Variants in MPRIP observed in about 807,000 individuals in gnomAD.
MPRIP encodes the protein myosin phosphatase Rho interacting protein, also known as myosin phosphatase Rho-interacting protein.
MPRIP carries 59 observed loss-of-function variants against 234.9 expected under a neutral mutation model. The observed-to-expected ratio is 0.25, with a 90% CI of 0.20 to 0.31. The LOEUF (loss-of-function observed/expected upper bound fraction) is 0.31. MPRIP is among the 10% of genes least tolerant of loss of function. MPRIP has a pLI of 1.00. For missense variants in MPRIP, 2,436 were observed against 3,071.0 expected (o/e 0.79, Z 4.89); for synonymous variants, 1,144 against 1,263.9 (o/e 0.91, Z 2.01).
At chr17:17,057,811 A>G in intron 1 of MPRIP, 1 of 680,400 alleles carries the variant, frequency 1.5e-6, no homozygotes, top group African/African-American at 1.8e-5. Context: ...AGGGATCTTC[A>G]CAGTTTGAAG....
At chr17:17,157,657 C>T (rs894226561) in intron 13 of MPRIP, among the ~76,000 whole-genome samples, 1 of 152,066 alleles carries the variant, frequency 6.6e-6, no homozygotes, top group Admixed American at 6.5e-5. Context: ...GGAGAAACCC[C>T]GTTTCTACTA....
At chr17:17,058,767 G>A (rs530813894) in intron 1 of MPRIP, among the ~76,000 whole-genome samples, 6 of 152,190 alleles carry the variant, frequency 3.9e-5, no homozygotes, top group South Asian at 4.1e-4. Flanking sequence ...GTTAGATGTC[G>A]CCTTTTAAGG....
At chr17:17,045,057 G>A (rs928531187) in intron 1 of MPRIP, among the ~76,000 whole-genome samples, 1 of 152,110 alleles carries the variant, frequency 6.6e-6, no homozygotes, top group African/African-American at 2.4e-5. Context: ...TCATCCTTAT[G>A]GCTCCATTAG....
intron 4 of MPRIP, among the ~76,000 whole-genome samples, chr17:17,128,701 C>CGG (rs2090540336): frequency 6.6e-6 from 1 of 152,202 alleles, no homozygotes; most frequent in South Asian, 2.1e-4. Flanking sequence ...GGCAGGTTCT[C>CGG]ACGTGGCATA....
At chr17:17,174,708 G>C (rs1011378163) in intron 19 of MPRIP, among the ~76,000 whole-genome samples, 1 of 151,644 alleles carries the variant, frequency 6.6e-6, no homozygotes, top group African/African-American at 2.4e-5. Flanking sequence ...GGTGGTGGGC[G>C]CCTATAGTCC....
intron 20 of MPRIP, 47 bp from the exon 21 acceptor site, chr17:17,176,379 G>A (rs969933934): frequency 2.8e-6 from 4 of 1,449,858 alleles, no homozygotes; most frequent in Non-Finnish European, 3.9e-6. Flanking sequence ...GACTCTGGAG[G>A]TTTCTTTGCT....
rs1387938274 is a variant in MPRIP, at chr17:17,158,916, G to A, written c.2314G>A (p.Val772Met). ...ETTPLREEKQ[V>M]PIAPVHLSSE... ...CACACCTCTCCGGGAAGAGAAGCAGGTGCCCATCGCCCCCGTCCACCTGTC... is the reference window on the plus strand; with the variant it reads ...CACACCTCTCCGGGAAGAGAAGCAGATGCCCATCGCCCCCGTCCACCTGTC... The change falls in exon 14 of 24, where the codon GTG (valine) becomes ATG (methionine). Residue 772 changes from valine to methionine, a missense_variant. Val to Met is a conservative substitution (Grantham distance 21). This residue lies in a region of MPRIP where 1,998 missense variants were observed against 2,520.3 expected (regional missense o/e 0.79). Transcript: ENST00000651222. 1.2e-6 allele frequency: 2 copies of A among 1,612,660 alleles called. No homozygotes were observed. The highest frequency in any genetic ancestry group is 8.5e-7 in the Non-Finnish European group (1 of 1,179,988).
chr17:17,065,791 A>C (rs2089006367), intron 1 of MPRIP, among the ~76,000 whole-genome samples: 1 of 152,198 alleles, frequency 6.6e-6, no homozygotes, highest in South Asian at 2.1e-4. Context: ...GTCCACGAAC[A>C]CATTATGTCT....
At chr17:17,175,458 GA>G in intron 20 of MPRIP, 46 bp downstream of exon 20, 1 of 1,539,212 alleles carries the variant, frequency 6.5e-7, no homozygotes, top group Non-Finnish European at 8.8e-7. Flanking sequence ...CTGCACCCAG[GA>G]ACCCCAGGGG....
intron 11 of MPRIP, among the ~76,000 whole-genome samples, chr17:17,149,599 T>C (rs2045552752): frequency 6.6e-6 from 1 of 151,800 alleles, no homozygotes; most frequent in Admixed American, 6.6e-5. Context: ...TTCAAAGCAA[T>C]GTGACTCTTA....
Position 17,166,321 on chromosome 17 carries a change from G to T in MPRIP, c.4730G>T (p.Ser1577Ile). The change falls in exon 16 of 24, where the codon AGC becomes ATC. Residue 1577 changes from serine to isoleucine, a missense_variant. By Grantham distance (142) the Ser-to-Ile change is moderately radical. This residue lies in a region of MPRIP where 1,998 missense variants were observed against 2,520.3 expected (regional missense o/e 0.79). Coordinates refer to ENST00000651222, the MANE Select transcript of MPRIP (RefSeq NM_001364716.4). This position sits in a 1 kb window ranked among gnomAD's most constrained non-coding sequence, Gnocchi z 4.4. ...ATTGCTCTGGAGGCCTCGCTGATCA[G>T]CCAGATAGCAGATTCCCTGAAGAAC... ...DQIALEASLI[S>I]QIADSLKNTT... The T allele has an allele frequency of 7.7e-7, 1 of 1,304,542 alleles. No homozygotes were observed. 80.8% of individuals were successfully genotyped at this position (1,304,542 alleles called of 1,614,324 possible).
At chr17:17,177,648 C>T (rs1387234390) in intron 22 of MPRIP, among the ~76,000 whole-genome samples, 1 of 152,180 alleles carries the variant, frequency 6.6e-6, no homozygotes, top group Non-Finnish European at 1.5e-5. Context: ...ATAGTATCAG[C>T]ATAATATTTT....
Position 17,078,210 on chromosome 17 carries a change from T to C in MPRIP, c.267+134T>C, listed in dbSNP as rs978056426. On this transcript the variant is annotated intron_variant, in intron 3 of 23. Transcript: ENST00000651222. This position sits in a 1 kb window ranked among gnomAD's most constrained non-coding sequence, Gnocchi z 4.3. ...TGTCTGTTTGGGAGTGTGGAATGTT[T>C]TGAAGAACTTGTGGCACCTGCTGGA... 2 of 935,466 alleles carry C rather than the reference T, an allele frequency of 2.1e-6. No homozygotes were observed. The highest frequency in any genetic ancestry group is 3.3e-5 in the African/African-American group (2 of 60,850). The allele number at this position is 935,466 out of a possible 1,614,324, so 57.9% of individuals were successfully genotyped here. A position where few individuals can be genotyped will look rare whatever the true frequency, so the allele number is the denominator to read the frequency against.
intron 3 of MPRIP, among the ~76,000 whole-genome samples, chr17:17,114,272 T>TG (rs2090236170): frequency 6.6e-6 from 1 of 152,180 alleles, no homozygotes; most frequent in Non-Finnish European, 1.5e-5. Flanking sequence ...TTTTAATTGT[T>TG]TTTTGTTGTT....
chr17:17,081,833 G>A (rs1052229452), intron 3 of MPRIP, among the ~76,000 whole-genome samples: 4 of 152,244 alleles, frequency 2.6e-5, no homozygotes, highest in Non-Finnish European at 4.4e-5. Context: ...ATACACCCAC[G>A]TACCCTGTAA....
At chr17:17,060,457 A>G (rs1304764722) in intron 1 of MPRIP, among the ~76,000 whole-genome samples, 1 of 152,140 alleles carries the variant, frequency 6.6e-6, no homozygotes, top group Non-Finnish European at 1.5e-5. Context: ...GTGTGGAACC[A>G]GGTGGCCTTG....
intron 3 of MPRIP, among the ~76,000 whole-genome samples, chr17:17,120,472 G>C (rs551813711): frequency 6.6e-6 from 1 of 152,098 alleles, no homozygotes; most frequent in Admixed American, 6.5e-5. Context: ...ACAGAGGACC[G>C]GCAGGAGGAG....
At chr17:17,051,150 C>G (rs1411441529) in intron 1 of MPRIP, among the ~76,000 whole-genome samples, 1 of 152,214 alleles carries the variant, frequency 6.6e-6, no homozygotes, top group Non-Finnish European at 1.5e-5. Flanking sequence ...AGGGATGTTC[C>G]AGGAAGCACG....
In MPRIP at chr17:17,171,920, T is replaced by C. The variant is rs573808286; in HGVS notation, c.6472+55T>C. 3.3e-5 allele frequency: 52 copies of C among 1,558,624 alleles called. No homozygotes were observed. In the East Asian group the frequency reaches 1.0e-3, roughly 31 times the overall value. ...GGTGGGTGGCCAGCTTTTTTTGAGCTAGACACACAACTCAGAGGAATGGCA... is the reference window on the plus strand; with the variant it reads ...GGTGGGTGGCCAGCTTTTTTTGAGCCAGACACACAACTCAGAGGAATGGCA... On this transcript the variant is annotated intron_variant, in intron 17 of 23. Transcript: ENST00000651222.
Sources: gnomAD v4.1 joint callset for allele counts (sites outside exome capture counted in the v4.1 genomes callset) on GRCh38, gnomAD v4.1.1 for gene constraint, gnomAD v4.1.1 regional missense constraint, Gnocchi (gnomAD v3.1) non-coding constraint, MANE v1.5 for transcripts, NCBI Gene and HGNC (gene_info 2026-07-23, HGNC 2026-07-21) for gene names.